Variants in DTNA observed in about 807,000 individuals in gnomAD.
The protein encoded by DTNA is dystrophin-related protein 3.
DTNA carries 43 observed loss-of-function variants against 100.7 expected under a neutral mutation model. The ratio of observed to expected loss-of-function variants is 0.43; its 90% CI spans 0.33 to 0.55. DTNA has a LOEUF of 0.55. DTNA is among the 20% of genes least tolerant of loss of function. The pLI is 0.04. For missense variants in DTNA, 798 were observed against 953.9 expected, an observed-to-expected ratio of 0.84 and a Z score of 2.15; for synonymous variants, 349 against 347.9, an observed-to-expected ratio of 1.00 and a Z score of -0.04.
rs773119244 is a variant in DTNA, at chr18:34,587,148, A to AT, written c.-2+93646dup. Among the ~76,000 whole-genome samples, 150 of 145,396 alleles carry AT rather than the reference A, an allele frequency of 1.0e-3. 1 individual carries two copies. The highest frequency in any genetic ancestry group is 2.4e-3 in the East Asian group (12 of 5,016). On this transcript the variant is annotated intron_variant, in intron 1 of 19. Transcript: ENST00000283365. ...AGGTAAATGCCACCATGCCTGGCTAATTTTTTTTTTTTGTAGAGATGGGGT... is the reference window on the plus strand; with the variant it reads ...AGGTAAATGCCACCATGCCTGGCTAATTTTTTTTTTTTTGTAGAGATGGGGT...
chr18:34,663,249 G>A (rs1277496215), intron 1 of DTNA, among the ~76,000 whole-genome samples: 1 of 152,090 alleles, frequency 6.6e-6, no homozygotes, highest in Non-Finnish European at 1.5e-5. Flanking sequence ...GACCCCGTGG[G>A]CTCAAGTGAT....
rs576838640 is a variant in DTNA, at chr18:34,864,274, G to A, written c.1743+212G>A. 4.7e-3 allele frequency among the ~76,000 whole-genome samples: 643 copies of A among 135,682 alleles called. 1 individual carries two copies. The highest frequency in any genetic ancestry group is 7.1e-3 in the Non-Finnish European group (453 of 64,182). 89.0% of individuals were successfully genotyped at this position (135,682 alleles called of 152,430 possible). On this transcript the variant is annotated intron_variant, in intron 17 of 22. Coordinates refer to ENST00000444659, the MANE Select transcript of DTNA (RefSeq NM_001386795.1). ...TTTTTTTTTTTTTTTTTTTTGAGAC[G>A]GAGTCTTGCTCTGTCGCCCAGGCTG...
chr18:34,594,339 G>A (rs761793870), intron 1 of DTNA, among the ~76,000 whole-genome samples: 2 of 152,162 alleles, frequency 1.3e-5, no homozygotes, highest in Non-Finnish European at 2.9e-5. Context: ...TTTGTTTCTT[G>A]TTTTGTCAAA....
chr18:34,783,045 T>G (rs570773323), intron 3 of DTNA, among the ~76,000 whole-genome samples: 2 of 152,328 alleles, frequency 1.3e-5, no homozygotes, highest in African/African-American at 2.4e-5. Flanking sequence ...AAGATTTTCT[T>G]GCTTCTAAAG....
intron 3 of DTNA, among the ~76,000 whole-genome samples, chr18:34,792,602 A>C (rs1196596782): frequency 6.6e-6 from 1 of 152,230 alleles, no homozygotes; most frequent in Non-Finnish European, 1.5e-5. Flanking sequence ...GTTATATTTC[A>C]TTGAGAATAA....
chr18:34,655,394 G>A (rs1162386107), intron 1 of DTNA, among the ~76,000 whole-genome samples: 1 of 152,128 alleles, frequency 6.6e-6, no homozygotes, highest in African/African-American at 2.4e-5. Context: ...CCTGCTCAAA[G>A]ATGCTAAGAA....
At chr18:34,620,703 T>G (rs1319420595) in intron 1 of DTNA, among the ~76,000 whole-genome samples, 1 of 152,062 alleles carries the variant, frequency 6.6e-6, no homozygotes, top group African/African-American at 2.4e-5. Context: ...GGAGGTGCCC[T>G]ACACTTTTGA....
intron 1 of DTNA, among the ~76,000 whole-genome samples, chr18:34,610,900 C>A (rs2054084235): frequency 6.6e-6 from 1 of 152,080 alleles, no homozygotes. Context: ...AAAATAATGT[C>A]TATGAAAAGT....
intron 15 of DTNA, among the ~76,000 whole-genome samples, chr18:34,855,263 T>C (rs1331521310): frequency 6.6e-6 from 1 of 152,254 alleles, no homozygotes; most frequent in Non-Finnish European, 1.5e-5. Context: ...CCTGTTATGA[T>C]GGACAGCAGT....
At chr18:34,509,713 C>CT (rs1568559928) in intron 1 of DTNA, among the ~76,000 whole-genome samples, 2 of 151,962 alleles carry the variant, frequency 1.3e-5, no homozygotes, top group African/African-American at 4.8e-5. Context: ...GTGCTTAAAC[C>CT]TTTTTTTGTT....
intron 1 of DTNA, among the ~76,000 whole-genome samples, chr18:34,582,006 C>G (rs549875659): frequency 2.6e-5 from 4 of 152,088 alleles, no homozygotes; most frequent in African/African-American, 9.7e-5. Flanking sequence ...AAAGCTATAA[C>G]GCAAACTTAT....
intron 3 of DTNA, among the ~76,000 whole-genome samples, chr18:34,777,950 C>T (rs936653276): frequency 2.0e-5 from 3 of 152,166 alleles, no homozygotes; most frequent in African/African-American, 7.2e-5. Context: ...CATAAGGCTT[C>T]TAAAAATCTT....
Position 34,738,154 on chromosome 18 carries a change from A to G in DTNA, c.-1-17822A>G, listed in dbSNP as rs549124137. ...GGCACATATGAGTGAACACAGAGACATGGGCCTGGGGGCCAGGTGGCTTGG... is the reference window on the plus strand; with the variant it reads ...GGCACATATGAGTGAACACAGAGACGTGGGCCTGGGGGCCAGGTGGCTTGG... On this transcript the variant is annotated intron_variant, in intron 1 of 22. Coordinates refer to ENST00000444659, the MANE Select transcript of DTNA (RefSeq NM_001386795.1). 1.7e-4 allele frequency among the ~76,000 whole-genome samples: 26 copies of G among 152,276 alleles called. No homozygotes were observed. In the South Asian group the frequency reaches 4.6e-3, roughly 27 times the overall value.
chr18:34,583,699 A>G (rs1353944990), intron 1 of DTNA, among the ~76,000 whole-genome samples: 3 of 151,996 alleles, frequency 2.0e-5, no homozygotes, highest in Non-Finnish European at 4.4e-5. Context: ...ACAAATGGGA[A>G]CTCCATTGAG....
rs565436832 is a variant in DTNA at position 34,541,053 on chromosome 18, A to G, written c.-2+47539A>G. ...ATGGGTTGTAAAAATTGGGCTATGCAGTAAGACATAATATTCTTCAGCGGT... is the reference window on the plus strand; with the variant it reads ...ATGGGTTGTAAAAATTGGGCTATGCGGTAAGACATAATATTCTTCAGCGGT... On this transcript the variant is annotated intron_variant, in intron 1 of 19. Transcript: ENST00000283365. Among the ~76,000 whole-genome samples, 156 of 152,240 alleles carry G rather than the reference A, an allele frequency of 1.0e-3. 1 individual carries two copies. Among genetic ancestry groups the G allele is most frequent in the Middle Eastern group, 0.01 (3 of 294 alleles).
At chr18:34,555,076 A>T (rs1428732288) in intron 1 of DTNA, among the ~76,000 whole-genome samples, 1 of 129,892 alleles carries the variant, frequency 7.7e-6, no homozygotes, top group Non-Finnish European at 1.6e-5. Context: ...CTATTCAGAG[A>T]TTCAACTTCT....
At chr18:34,750,465 C>T (rs2092208376) in intron 1 of DTNA, among the ~76,000 whole-genome samples, 1 of 152,090 alleles carries the variant, frequency 6.6e-6, no homozygotes, top group Non-Finnish European at 1.5e-5. Context: ...TTACTTTTTT[C>T]AGTTTACCAA....
chr18:34,732,212 T>A (rs28605240), intron 1 of DTNA, among the ~76,000 whole-genome samples: 5,876 of 152,308 alleles, frequency 0.039, 364 homozygotes, highest in African/African-American at 0.13. Flanking sequence ...CCCCCTAATT[T>A]TCTTCATGGC....
intron 1 of DTNA, chr18:34,513,435 T>TA (rs1225448247): frequency 6.6e-6 from 1 of 152,210 alleles, no homozygotes; most frequent in Non-Finnish European, 1.5e-5. Context: ...ATCATTTTCT[T>TA]TAGCAATACC....
Sources: allele counts gnomAD v4.1 joint callset (sites outside exome capture counted in the v4.1 genomes callset), GRCh38; gene constraint gnomAD v4.1.1; transcripts MANE v1.5; gene names NCBI Gene and HGNC (gene_info 2026-07-23, HGNC 2026-07-21).